Variants in MYO18B observed in about 807,000 individuals in gnomAD.
The protein encoded by MYO18B is unconventional myosin-XVIIIb.
A neutral mutation model predicts 273.0 loss-of-function variants in MYO18B; 204 were observed. The ratio of observed to expected loss-of-function variants is 0.75; its 90% confidence interval spans 0.67 to 0.84. The LOEUF is 0.84. Among genes scored for constraint, MYO18B ranks in the 40% least tolerant of loss-of-function variants. The pLI is 0.00. For synonymous variants in MYO18B, 1,330 were observed against 1,305.7 expected (o/e 1.02, Z -0.40); for missense variants, 3,212 against 3,287.6 (o/e 0.98, Z 0.56).
chr22:25,755,087 C>T (rs1284462757), intron 1 of MYO18B, among the ~76,000 whole-genome samples: 2 of 152,190 alleles, frequency 1.3e-5, no homozygotes, highest in Admixed American at 6.5e-5. Context: ...TCGGGGGCCT[C>T]GCCAGTGTCT....
At chr22:25,766,283 G>T (rs144286401) in intron 3 of MYO18B, among the ~76,000 whole-genome samples, 2 of 152,262 alleles carry the variant, frequency 1.3e-5, no homozygotes, top group African/African-American at 4.8e-5. Context: ...ATCTACTCCA[G>T]TTGTTCCTTC....
intron 7 of MYO18B, among the ~76,000 whole-genome samples, chr22:25,775,226 G>T (rs2086872010): frequency 6.6e-6 from 1 of 152,192 alleles, no homozygotes; most frequent in South Asian, 2.1e-4. Context: ...TCCCTCCTTT[G>T]CCTGCATTAG....
intron 11 of MYO18B, among the ~76,000 whole-genome samples, chr22:25,788,419 GAAT>G (rs1264150655): frequency 6.6e-6 from 1 of 152,168 alleles, no homozygotes; most frequent in Non-Finnish European, 1.5e-5. Flanking sequence ...GATAAACATT[GAAT>G]AATGTTTTAG....
intron 42 of MYO18B, among the ~76,000 whole-genome samples, chr22:26,018,398 C>T (rs1935548664): frequency 6.6e-6 from 1 of 152,112 alleles, no homozygotes; most frequent in Admixed American, 6.5e-5. Flanking sequence ...GCTCCCTTGG[C>T]TATCCTTCCC....
chr22:25,903,514 CA>C (rs775313873), intron 30 of MYO18B, 116 bp from the exon 31 acceptor site: 216 of 1,037,838 alleles, frequency 2.1e-4, no homozygotes, highest in Non-Finnish European at 2.8e-4. Context: ...GTGGAAATGG[CA>C]GGCATTGGAA....
chr22:25,882,754 A>T (rs1024096547), intron 25 of MYO18B, among the ~76,000 whole-genome samples: 2 of 152,144 alleles, frequency 1.3e-5, no homozygotes, highest in African/African-American at 4.8e-5. Flanking sequence ...AAAAATTTTT[A>T]AATAGTTTTA....
chr22:25,850,022 C>T (rs750082989), intron 20 of MYO18B, among the ~76,000 whole-genome samples: 46 of 152,174 alleles, frequency 3.0e-4, no homozygotes, highest in Non-Finnish European at 5.9e-4. Flanking sequence ...GACATGAATG[C>T]AGATAGGTGT....
At chr22:25,804,037 G>T (rs567315042) in intron 12 of MYO18B, among the ~76,000 whole-genome samples, 10 of 146,800 alleles carry the variant, frequency 6.8e-5, no homozygotes, top group African/African-American at 2.5e-4. Context: ...AACCACAGAG[G>T]GAATCTTCTG....
At chr22:25,890,670 T>C in intron 25 of MYO18B, 86 bp from the exon 26 acceptor site, 3 of 1,546,626 alleles carry the variant, frequency 1.9e-6, no homozygotes. Context: ...TAGTGATTTG[T>C]CCAAAGGCGA....
intron 42 of MYO18B, among the ~76,000 whole-genome samples, chr22:26,007,500 C>A (rs1376308112): frequency 6.6e-6 from 1 of 152,212 alleles, no homozygotes; most frequent in Non-Finnish European, 1.5e-5. Context: ...AAAATCTGAT[C>A]TCTGTTTATT....
At chr22:25,864,914 A>G (rs1183956554) in intron 21 of MYO18B, among the ~76,000 whole-genome samples, 1 of 152,200 alleles carries the variant, frequency 6.6e-6, no homozygotes, top group East Asian at 1.9e-4. Context: ...TTCCATAAAG[A>G]CACAGGACAA....
At chr22:25,858,318 A>T (rs189846759) in intron 21 of MYO18B, among the ~76,000 whole-genome samples, 1 of 152,344 alleles carries the variant, frequency 6.6e-6, no homozygotes, top group East Asian at 1.9e-4. Context: ...ACATTATAGG[A>T]ACTCAACATA....
In MYO18B at chr22:25,753,985, C is replaced by CTGGCTTGGCT. The variant is rs577900174; in HGVS notation, c.-109-6997_-109-6996insGCTTGGCTTG. Among the ~76,000 whole-genome samples, 90 of 152,332 alleles carry CTGGCTTGGCT rather than the reference C, an allele frequency of 5.9e-4. No individual in the cohort carries two copies. The East Asian group carries it at 8.3e-3, about 14-fold the overall frequency. ...AACTATTGGCTTTTAAGTGATGCTC[C>CTGGCTTGGCT]TGTCTTGGCTTCTGGAAGTGCTGGT... On this transcript the variant is annotated intron_variant, in intron 1 of 43. Transcript: ENST00000335473.
Position 25,769,840 on chromosome 22 carries a change from G to A in MYO18B, c.1513-270G>A, listed in dbSNP as rs2743845. ...TTCAAAGGCCAGGAGTGGGGCCCAGGAATCTGCATTTATGTAGTATTTTTT... is the reference window on the plus strand; with the variant it reads ...TTCAAAGGCCAGGAGTGGGGCCCAGAAATCTGCATTTATGTAGTATTTTTT... On this transcript the variant is annotated intron_variant, in intron 4 of 43. Coordinates refer to ENST00000335473, the MANE Select transcript of MYO18B (RefSeq NM_032608.7). Among the ~76,000 whole-genome samples the A allele has an allele frequency of 0.28, 42,094 of 151,748 alleles. 6,355 individuals carry two copies. Among genetic ancestry groups the A allele is most frequent in the Admixed American group, 0.43 (6,501 of 15,248 alleles).
the MYO18B span, among the ~76,000 whole-genome samples, chr22:26,062,410 G>A: frequency 6.6e-6 from 1 of 152,038 alleles, no homozygotes. Context: ...GTGGGCCAGG[G>A]GTCTAATGGC....
rs77871508 is a variant in MYO18B, at chr22:25,777,511, C to T, written c.1870-72C>T. 2,077 of 1,391,750 alleles carry T rather than the reference C, an allele frequency of 1.5e-3. 36 individuals carry two copies. The African/African-American group carries it at 0.026, about 18-fold the overall frequency. The allele number at this position is 1,391,750 out of a possible 1,614,324, so 86.2% of individuals were successfully genotyped here. On this transcript the variant is annotated intron_variant, in intron 7 of 43. Transcript: ENST00000335473. ...ACAGATCTGGACCCTAGGCCTGGGG[C>T]GGGGCGCTGTCTTAGAATGCTCCCT...
chr22:25,953,793 C>G (rs1280538712), intron 38 of MYO18B, among the ~76,000 whole-genome samples: 1 of 152,204 alleles, frequency 6.6e-6, no homozygotes, highest in Non-Finnish European at 1.5e-5. Context: ...TGGAAAAATT[C>G]TATCTCCAAA....
intron 34 of MYO18B, among the ~76,000 whole-genome samples, chr22:25,928,809 G>T (rs2092457403): frequency 6.6e-6 from 1 of 152,086 alleles, no homozygotes; most frequent in African/African-American, 2.4e-5. Context: ...TGATTGGGCT[G>T]ATATAAAGAA....
At chr22:25,761,177 A>C in intron 2 of MYO18B, 46 bp downstream of exon 2, 2 of 1,607,406 alleles carry the variant, frequency 1.2e-6, no homozygotes, top group Non-Finnish European at 1.7e-6. Context: ...GCAGGGACTG[A>C]CTCGACCCTC....
Sources: allele counts gnomAD v4.1 joint callset (sites outside exome capture counted in the v4.1 genomes callset), GRCh38; gene constraint gnomAD v4.1.1; transcripts MANE v1.5; gene names NCBI Gene and HGNC (gene_info 2026-07-23, HGNC 2026-07-21).